Variants in PLCE1 observed in about 807,000 individuals in gnomAD.
PLCE1 encodes phospholipase C epsilon 1.
In PLCE1, 119 loss-of-function variants were observed where a neutral mutation model predicts 242.8. The observed-to-expected ratio is 0.49, with a 90% confidence interval of 0.42 to 0.57. The LOEUF (loss-of-function observed/expected upper bound fraction) is 0.57, where lower values mean the gene tolerates loss of function less well. Among genes scored for constraint, PLCE1 ranks in the 20% least tolerant of loss-of-function variants. The pLI is 0.00. For synonymous variants in PLCE1, 945 were observed against 1,017.4 expected (o/e 0.93, Z 1.35); for missense variants, 2,441 against 2,788.8 (o/e 0.88, Z 2.81).
intron 22 of PLCE1, among the ~76,000 whole-genome samples, chr10:94,287,912 G>A (rs1316933300): frequency 6.6e-6 from 1 of 151,474 alleles, no homozygotes; most frequent in Non-Finnish European, 1.5e-5. Context: ...TTCTCCCCTT[G>A]GCCCCATTCC....
At chr10:94,245,651 T>A (rs2050653492) in intron 7 of PLCE1, among the ~76,000 whole-genome samples, 1 of 152,138 alleles carries the variant, frequency 6.6e-6, no homozygotes, top group African/African-American at 2.4e-5. Context: ...CATGCCTGAC[T>A]GATTTTTGTA....
chr10:94,117,416 G>A (rs527395474), intron 2 of PLCE1, among the ~76,000 whole-genome samples: 72 of 152,286 alleles, frequency 4.7e-4, no homozygotes, highest in African/African-American at 1.7e-3. Context: ...AGCTCTGCTG[G>A]GAGTGAGACT....
chr10:94,117,026 G>C (rs1046298385), intron 2 of PLCE1, among the ~76,000 whole-genome samples: 2 of 152,170 alleles, frequency 1.3e-5, no homozygotes, highest in African/African-American at 4.8e-5. Flanking sequence ...GTCTCTACTG[G>C]ATAACAGATA....
At chr10:94,077,080 G>A (rs1367285751) in intron 2 of PLCE1, among the ~76,000 whole-genome samples, 2 of 152,200 alleles carry the variant, frequency 1.3e-5, no homozygotes, top group East Asian at 1.9e-4. Context: ...ATATCTCATC[G>A]AAATAAAACA....
At chr10:94,320,598 G>A (rs1448928424) in intron 29 of PLCE1, among the ~76,000 whole-genome samples, 2 of 152,202 alleles carry the variant, frequency 1.3e-5, no homozygotes, top group African/African-American at 4.8e-5. Context: ...AGCCTGGTCT[G>A]GAGAGATGAG....
intron 18 of PLCE1, 143 bp from the exon 19 acceptor site, chr10:94,273,419 C>G (rs1564850372): frequency 2.5e-6 from 2 of 804,790 alleles, no homozygotes; most frequent in East Asian, 5.5e-5. Context: ...GAGCAGGGGA[C>G]AGCTTCTTTC....
In PLCE1 at chr10:94,232,163, C is replaced by T. The variant is rs2050166481; in HGVS notation, c.1956-1891C>T. Among the ~76,000 whole-genome samples the T allele has an allele frequency of 2.0e-5, 3 of 152,176 alleles. No homozygotes were observed. In the South Asian group the frequency reaches 6.2e-4, roughly 32 times the overall value. ...TGCTCTTGGAGGAATACACTAGGGC[C>T]TCAACCACATTGTTGATGTTTGATT... On this transcript the variant is annotated intron_variant, in intron 5 of 32. Coordinates refer to ENST00000371380, the MANE Select transcript of PLCE1 (RefSeq NM_016341.4).
At chr10:94,085,423 G>A (rs192464642) in intron 2 of PLCE1, among the ~76,000 whole-genome samples, 7 of 152,108 alleles carry the variant, frequency 4.6e-5, no homozygotes, top group Non-Finnish European at 8.8e-5. Flanking sequence ...TCTGAACTCC[G>A]GTACTGACTT....
In PLCE1 at chr10:94,283,688, T is replaced by TC. The variant is rs2052333205; in HGVS notation, c.4796-102_4796-101insC. 6 of 1,230,934 alleles carry TC rather than the reference T, an allele frequency of 4.9e-6. No homozygotes were observed. In the South Asian group the frequency reaches 6.1e-5, roughly 12 times the overall value. The allele number at this position is 1,230,934 out of a possible 1,614,324, so 76.3% of individuals were successfully genotyped here. On this transcript the variant is annotated intron_variant, in intron 20 of 32. Transcript: ENST00000371380. ...CTATATAGTTAGAGCCTCATTCTTA[T>TC]AGATAAGTACAAGTATCTGGATGTC...
intron 25 of PLCE1, 77 bp downstream of exon 25, chr10:94,304,722 G>C: frequency 7.3e-7 from 1 of 1,364,922 alleles, no homozygotes; most frequent in Non-Finnish European, 1.0e-6. Flanking sequence ...TGAATTCAAG[G>C]CATTGGAAAG....
In PLCE1 at chr10:94,102,949, A is replaced by T. The variant is rs1036422814; in HGVS notation, c.1207-29225A>T. Among the ~76,000 whole-genome samples the T allele has an allele frequency of 2.0e-5, 3 of 152,364 alleles. No homozygotes were observed. The South Asian group carries it at 6.2e-4, about 32-fold the overall frequency. ...AGTTTGGTTTGTTTTGAAATTTTTT[A>T]AAAATACAAAGAAGAAAAACAGTGG... is the stretch of plus-strand genomic sequence containing the variant. On this transcript the variant is annotated intron_variant, in intron 2 of 32. Transcript: ENST00000371380.
chr10:94,252,594 GGA>G, intron 9 of PLCE1, 96 bp downstream of exon 9: 1 of 1,072,148 alleles, frequency 9.3e-7, no homozygotes, highest in Non-Finnish European at 1.4e-6. Flanking sequence ...TTTGGGTTGA[GGA>G]CAAAGTCAGG....
At chr10:94,025,032 C>T (rs749953853) in intron 1 of PLCE1, among the ~76,000 whole-genome samples, 18 of 151,766 alleles carry the variant, frequency 1.2e-4, no homozygotes, top group Admixed American at 7.9e-4. Context: ...CCCTAAGTCC[C>T]GGAAACAGGC....
At position 94,020,666 on chromosome 10, in the gene PLCE1, G is replaced by T. The variant is rs146687191; in HGVS notation, c.-364-10017G>T. Among the ~76,000 whole-genome samples, 249 of 151,858 alleles carry T rather than the reference G, an allele frequency of 1.6e-3. 1 individual carries two copies. The highest frequency in any genetic ancestry group is 5.4e-3 in the African/African-American group (225 of 41,416). Reference sequence around the variant, plus strand: ...GTGTGTGGTGTGAGATAGGGGTTGAGGTTCATTTTTTTTCATGCAGAAGTT... The same window carrying T: ...GTGTGTGGTGTGAGATAGGGGTTGATGTTCATTTTTTTTCATGCAGAAGTT... On this transcript the variant is annotated intron_variant, in intron 1 of 32. Coordinates refer to ENST00000371380, the MANE Select transcript of PLCE1 (RefSeq NM_016341.4).
At chr10:94,218,662 A>C (rs1021993147) in intron 4 of PLCE1, among the ~76,000 whole-genome samples, 5 of 151,800 alleles carry the variant, frequency 3.3e-5, no homozygotes, top group Non-Finnish European at 7.4e-5. Flanking sequence ...AACTGCTCCC[A>C]CCCTCATGCC....
intron 30 of PLCE1, among the ~76,000 whole-genome samples, chr10:94,323,885 T>A (rs1046365997): frequency 6.6e-6 from 1 of 152,168 alleles, no homozygotes; most frequent in South Asian, 2.1e-4. Context: ...AAAAGAGAGA[T>A]CAGTTGACTT....
intron 2 of PLCE1, among the ~76,000 whole-genome samples, chr10:94,042,778 G>C (rs2061793717): frequency 6.6e-6 from 1 of 152,162 alleles, no homozygotes; most frequent in Non-Finnish European, 1.5e-5. Context: ...TTACAGAATT[G>C]CTATAATTTA....
chr10:94,158,854 C>CTTTTTTTTTTTTT (rs35760715), intron 3 of PLCE1, among the ~76,000 whole-genome samples: 111 of 111,552 alleles, frequency 1.0e-3, no homozygotes, highest in East Asian at 3.7e-3. Context: ...TCTTCTTTTT[C>CTTTTTTTTTTTTT]TTTTTTTTTT....
chr10:94,299,025 C>T (rs748658519), intron 24 of PLCE1, among the ~76,000 whole-genome samples: 7 of 152,168 alleles, frequency 4.6e-5, no homozygotes, highest in South Asian at 2.1e-4. Flanking sequence ...TGTCTCACTA[C>T]GCAGTTGTTC....
Sources: gnomAD v4.1 joint callset for allele counts (sites outside exome capture counted in the v4.1 genomes callset) on GRCh38, gnomAD v4.1.1 for gene constraint, MANE v1.5 for transcripts, NCBI Gene and HGNC (gene_info 2026-07-23, HGNC 2026-07-21) for gene names.